Variants in CCDC30 observed in about 807,000 individuals in gnomAD.
CCDC30 encodes coiled-coil domain containing 30, also known as coiled-coil domain-containing protein 30.
CCDC30 carries 70 observed loss-of-function variants against 100.2 expected under a neutral mutation model. That is an observed-to-expected ratio of 0.70 (90% CI 0.58 to 0.85). CCDC30 has a LOEUF of 0.85. Among genes scored for constraint, CCDC30 ranks in the 40% least tolerant of loss-of-function variants. The probability of loss-of-function intolerance (pLI) is 0.00; values close to 1 mark genes in which losing one functional copy is unlikely to be tolerated. For synonymous variants in CCDC30, 233 were observed against 269.5 expected, an observed-to-expected ratio of 0.86 and a Z score of 1.33; for missense variants, 652 against 771.2, an observed-to-expected ratio of 0.85 and a Z score of 1.83.
chr1:42,545,161 T>TAAA (rs1557841265), intron 6 of CCDC30, among the ~76,000 whole-genome samples: 2 of 64,934 alleles, frequency 3.1e-5, no homozygotes, highest in African/African-American at 6.0e-5. Flanking sequence ...AAAAATACCT[T>TAAA]TAAAAAAAAA....
At chr1:42,624,930 C>T (rs1646904203) in intron 11 of CCDC30, among the ~76,000 whole-genome samples, 1 of 152,148 alleles carries the variant, frequency 6.6e-6, no homozygotes. Context: ...TCCTTCTCCT[C>T]TATTTTTCAA....
intron 6 of CCDC30, among the ~76,000 whole-genome samples, chr1:42,506,816 A>G (rs1407374547): frequency 6.6e-6 from 1 of 152,236 alleles, no homozygotes; most frequent in African/African-American, 2.4e-5. Flanking sequence ...CTAGATTACC[A>G]TAAATTATTT....
At position 42,566,338 on chromosome 1, in the gene CCDC30, G is replaced by T. The variant is rs779045178; in HGVS notation, c.499G>T (p.Glu167Ter). Reference sequence around the variant, plus strand: ...AAAACTAAAATACAACCAGCAAGGGGAAGTACAACAACTTCACCAGAATTT... The same window carrying T: ...AAAACTAAAATACAACCAGCAAGGGTAAGTACAACAACTTCACCAGAATTT... The change falls in exon 7 of 17, where the codon GAA (glutamate) becomes TAA (stop). Residue 167 changes from glutamate to a stop codon, truncating the protein, a stop_gained. Coordinates refer to ENST00000668663, the Ensembl canonical transcript of CCDC30. LOFTEE classifies it high-confidence loss of function. 2 of 1,613,858 alleles carry T rather than the reference G, an allele frequency of 1.2e-6. No individual in the cohort carries two copies. The highest frequency in any genetic ancestry group is 1.1e-5 in the South Asian group (1 of 91,032).
intron 12 of CCDC30, among the ~76,000 whole-genome samples, chr1:42,641,878 C>CA (rs940736229): frequency 2.6e-5 from 4 of 151,200 alleles, no homozygotes; most frequent in African/African-American, 9.7e-5. Flanking sequence ...AACAAACAAA[C>CA]AAAAAACAAC....
intron 3 of CCDC30, among the ~76,000 whole-genome samples, chr1:42,486,434 A>G (rs574688105): frequency 9.2e-5 from 14 of 152,318 alleles, no homozygotes; most frequent in Middle Eastern, 6.8e-3. Context: ...TGTTTATACA[A>G]TGTGGTCCAT....
intron 11 of CCDC30, among the ~76,000 whole-genome samples, chr1:42,630,240 G>T (rs1647011631): frequency 6.6e-6 from 1 of 152,058 alleles, no homozygotes; most frequent in South Asian, 2.1e-4. Flanking sequence ...CTCCGAAAGT[G>T]TTGGGATTAC....
intron 11 of CCDC30, among the ~76,000 whole-genome samples, chr1:42,636,609 T>TA (rs1284654593): frequency 6.6e-6 from 1 of 151,910 alleles, no homozygotes; most frequent in African/African-American, 2.4e-5. Context: ...TATACCACAA[T>TA]AAAAAAATCA....
At chr1:42,482,737 G>C in exon 3 of CCDC30, 2 of 1,234,084 alleles carry the variant, frequency 1.6e-6, no homozygotes, top group Admixed American at 8.4e-5. Context: ...AAGTAGCAAA[G>C]AAGTTAGGGG....
intron 1 of CCDC30, among the ~76,000 whole-genome samples, chr1:42,472,753 GTTTCA>G (rs1643812352): frequency 1.3e-5 from 2 of 151,710 alleles, no homozygotes; most frequent in African/African-American, 4.8e-5. Flanking sequence ...ATTACCAGCT[GTTTCA>G]TTTAAGTGCT....
At chr1:42,538,149 C>CAAAAAAAAAA (rs776412637) in intron 6 of CCDC30, among the ~76,000 whole-genome samples, 6 of 82,364 alleles carry the variant, frequency 7.3e-5, no homozygotes, top group African/African-American at 2.6e-4. Flanking sequence ...ACTGTCTCCA[C>CAAAAAAAAAA]AAAAAAAAAA....
chr1:42,539,324 A>G lies in CCDC30; in HGVS notation c.457-26972A>G. On this transcript the variant is annotated intron_variant, in intron 6 of 16. Transcript: ENST00000668663. ...TTAGAAACAAAGGTGAGACTGAGTT[A>G]GGTATTTAAATGTTCAATATTTAAT... 1 of 1,584,890 alleles carries G rather than the reference A, an allele frequency of 6.3e-7. No homozygotes were observed. Among genetic ancestry groups the G allele is most frequent in the Non-Finnish European group, 8.6e-7 (1 of 1,168,412 alleles).
chr1:42,456,556 T>A, the CCDC30 span: 1 of 1,461,724 alleles, frequency 6.8e-7, no homozygotes, highest in Middle Eastern at 1.9e-4. Context: ...CGCCGGCCGC[T>A]GCGCTGCAGA....
intron 6 of CCDC30, among the ~76,000 whole-genome samples, chr1:42,504,296 T>C (rs1237326743): frequency 7.9e-5 from 12 of 152,256 alleles, no homozygotes. Flanking sequence ...ATGGCCATGA[T>C]GAACATGTCA....
At chr1:42,619,835 T>G (rs1019581477) in intron 11 of CCDC30, among the ~76,000 whole-genome samples, 2 of 152,228 alleles carry the variant, frequency 1.3e-5, no homozygotes, top group Admixed American at 1.3e-4. Flanking sequence ...ACTTTTCAAC[T>G]GTTCTTGTAT....
intron 10 of CCDC30, chr1:42,594,660 C>T (rs1189182328): frequency 6.6e-6 from 1 of 151,968 alleles, no homozygotes; most frequent in Admixed American, 6.5e-5. Context: ...GTGAATAGCC[C>T]CTGTATTCCT....
intron 6 of CCDC30, among the ~76,000 whole-genome samples, chr1:42,563,859 A>G (rs979934728): frequency 6.6e-6 from 1 of 152,000 alleles, no homozygotes; most frequent in Non-Finnish European, 1.5e-5. Flanking sequence ...CCTGGGCGAC[A>G]AAGCGAGACT....
intron 11 of CCDC30, among the ~76,000 whole-genome samples, chr1:42,628,865 C>T (rs532603573): frequency 2.0e-5 from 3 of 152,090 alleles, no homozygotes; most frequent in South Asian, 2.1e-4. Flanking sequence ...ATTATTTTAA[C>T]GTGATTACAA....
At chr1:42,557,833 G>A (rs576611942) in intron 6 of CCDC30, among the ~76,000 whole-genome samples, 177 of 151,566 alleles carry the variant, frequency 1.2e-3, no homozygotes, top group African/African-American at 4.2e-3. Flanking sequence ...CCTTAAGACG[G>A]AAAAGATGTT....
At chr1:42,573,042 C>T (rs931156592) in intron 7 of CCDC30, among the ~76,000 whole-genome samples, 7 of 152,186 alleles carry the variant, frequency 4.6e-5, no homozygotes, top group Non-Finnish European at 1.0e-4. Flanking sequence ...TAGAACAAAT[C>T]TTTTCACCTT....
Sources: gnomAD v4.1 joint callset for allele counts (sites outside exome capture counted in the v4.1 genomes callset) on GRCh38, gnomAD v4.1.1 for gene constraint, MANE v1.5 for transcripts, NCBI Gene and HGNC (gene_info 2026-07-23, HGNC 2026-07-21) for gene names.